The following CSNK1G1 variants were observed in gnomAD, a reference collection of about 807,000 sequenced individuals.
CSNK1G1 encodes casein kinase 1 gamma 1.
Under a neutral mutation model 59.6 loss-of-function variants are expected in CSNK1G1, and 22 were observed. The ratio of observed to expected loss-of-function variants is 0.37; its 90% CI spans 0.26 to 0.53. CSNK1G1 has a LOEUF of 0.53. Among genes scored for constraint, CSNK1G1 ranks in the 20% least tolerant of loss-of-function variants. The pLI, the probability that CSNK1G1 is intolerant of heterozygous loss-of-function variation, is 0.89. For missense variants in CSNK1G1, 384 were observed against 519.5 expected (o/e 0.74, Z 2.54); for synonymous variants, 179 against 177.1 (o/e 1.01, Z -0.08).
Position 64,214,194 on chromosome 15 carries a change from T to C in CSNK1G1, c.445-70A>G. ...AGGAAAATACATCAAAACAGTTTCT[T>C]TAGCCAGACCAAGGTTTTAATTATT... On this transcript the variant is annotated intron_variant, in intron 5 of 11. Coordinates refer to ENST00000303052, the MANE Select transcript of CSNK1G1 (RefSeq NM_022048.5). This position sits in a 1 kb window ranked among gnomAD's most constrained non-coding sequence, Gnocchi z 4.3. 2.7e-6 allele frequency: 3 copies of C among 1,122,544 alleles called. No individual in the cohort carries two copies. Among genetic ancestry groups the C allele is most frequent in the Non-Finnish European group, 4.0e-6 (3 of 742,184 alleles). The allele number at this position is 1,122,544 out of a possible 1,614,324, so 69.5% of individuals were successfully genotyped here. A position where few individuals can be genotyped will look rare whatever the true frequency, so the allele number is the denominator to read the frequency against.
At chr15:64,309,494 C>T (rs779450424) in intron 1 of CSNK1G1, among the ~76,000 whole-genome samples, 5 of 152,088 alleles carry the variant, frequency 3.3e-5, no homozygotes, top group Non-Finnish European at 7.4e-5. Context: ...GACTATAGTA[C>T]CTGTCACAAG....
At chr15:64,265,928 T>A (rs959401951) in intron 2 of CSNK1G1, 21 of 419,052 alleles carry the variant, frequency 5.0e-5, no homozygotes, top group South Asian at 1.4e-4. Flanking sequence ...CAAAAAAAAA[T>A]TTTTAATTAG....
At chr15:64,187,340 C>T (rs1011483994) in intron 10 of CSNK1G1, among the ~76,000 whole-genome samples, 8 of 151,472 alleles carry the variant, frequency 5.3e-5, no homozygotes, top group Admixed American at 3.3e-4. Flanking sequence ...TACAGGTATG[C>T]GCCACCGGGC....
intron 11 of CSNK1G1, 78 bp downstream of exon 11, chr15:64,180,270 G>T: frequency 9.6e-7 from 1 of 1,040,892 alleles, no homozygotes; most frequent in South Asian, 1.3e-5. Context: ...AGTCTGAGAC[G>T]AGCAGCACAC....
chr15:64,240,468 CA>C (rs952319825), intron 4 of CSNK1G1, among the ~76,000 whole-genome samples: 52 of 151,962 alleles, frequency 3.4e-4, no homozygotes, highest in African/African-American at 1.2e-3. Context: ...ATATTTAACC[CA>C]AAAAGGTCCA....
At chr15:64,175,607 C>T (rs2081732362) in intron 11 of CSNK1G1, among the ~76,000 whole-genome samples, 1 of 152,066 alleles carries the variant, frequency 6.6e-6, no homozygotes, top group Non-Finnish European at 1.5e-5. Flanking sequence ...AAGACAGGCT[C>T]CAATATATCA....
In CSNK1G1 at chr15:64,204,463, T is replaced by C. The variant is rs756756451; in HGVS notation, c.977A>G (p.Tyr326Cys). 5 of 1,593,560 alleles carry C rather than the reference T, an allele frequency of 3.1e-6. No homozygotes were observed. Among genetic ancestry groups the C allele is most frequent in the Non-Finnish European group, 3.4e-6 (4 of 1,171,548 alleles). The change falls in exon 9 of 12, where the codon TAT (tyrosine) becomes TGT (cysteine). Residue 326 changes from tyrosine to cysteine, a missense_variant. Tyr to Cys is a radical substitution (Grantham distance 194). This residue lies in a region of CSNK1G1 where 325 missense variants were observed against 440.9 expected (regional missense o/e 0.74). Coordinates refer to ENST00000303052, the MANE Select transcript of CSNK1G1 (RefSeq NM_022048.5). The stretch of plus-strand genomic sequence containing the variant: ...TACAATAGGTCTCCCAACCCAATCA[T>C]AGGCATAGTCAAAGGTGTAGCCTTT... ...EKKGYTFDYA[Y>C]DWVGRPIPTP...
At chr15:64,187,024 T>C (rs977229361) in intron 10 of CSNK1G1, among the ~76,000 whole-genome samples, 14 of 151,976 alleles carry the variant, frequency 9.2e-5, no homozygotes, top group African/African-American at 3.4e-4. Flanking sequence ...GGTTTCACCA[T>C]GTTGGCCAGG....
At position 64,173,462 on chromosome 15, in the gene CSNK1G1, T is replaced by C. The variant is rs75206458; in HGVS notation, c.1215-1477A>G. On this transcript the variant is annotated intron_variant, in intron 11 of 11. Transcript: ENST00000303052. ...GAGGTACTATTAATGGGTGCAAATA[T>C]AATCACTAAGCAAAGTGTCATATGT... is the stretch of plus-strand genomic sequence containing the variant. Among the ~76,000 whole-genome samples, 47 of 152,298 alleles carry C rather than the reference T, an allele frequency of 3.1e-4. 1 individual carries two copies. In the East Asian group the frequency reaches 6.4e-3, roughly 21 times the overall value.
At chr15:64,320,225 C>T (rs1437947414) in intron 1 of CSNK1G1, among the ~76,000 whole-genome samples, 1 of 151,714 alleles carries the variant, frequency 6.6e-6, no homozygotes, top group Non-Finnish European at 1.5e-5. Flanking sequence ...TCCACCGAAA[C>T]AGGCACACGT....
chr15:64,225,006 C>CTTTTTTTTT (rs750533422), intron 4 of CSNK1G1, among the ~76,000 whole-genome samples: 2 of 121,850 alleles, frequency 1.6e-5, no homozygotes, highest in Non-Finnish European at 1.7e-5. Flanking sequence ...ATACACTTTT[C>CTTTTTTTTT]TTTTTTTTTT....
Position 64,188,628 on chromosome 15 carries a change from A to C in CSNK1G1, c.1108-8174T>G, listed in dbSNP as rs1245550817. The C allele has an allele frequency of 1.6e-6, 1 of 641,796 alleles. No homozygotes were observed. The highest frequency in any genetic ancestry group is 1.8e-5 in the African/African-American group (1 of 54,808). 39.8% of individuals were successfully genotyped at this position (641,796 alleles called of 1,614,324 possible). A position where few individuals can be genotyped will look rare whatever the true frequency, so the allele number is the denominator to read the frequency against. The stretch of plus-strand genomic sequence containing the variant: ...TTTAAACTAACAACCACTGGAAAGC[A>C]GTGAGGAAAAGTAAGCTTGTCTACA... On this transcript the variant is annotated intron_variant, in intron 10 of 11. Coordinates refer to ENST00000303052, the MANE Select transcript of CSNK1G1 (RefSeq NM_022048.5). This position sits in a 1 kb window ranked among gnomAD's most constrained non-coding sequence, Gnocchi z 4.2.
chr15:64,262,706 G>A (rs2140335307), intron 2 of CSNK1G1, among the ~76,000 whole-genome samples: 1 of 152,282 alleles, frequency 6.6e-6, no homozygotes, highest in Non-Finnish European at 1.5e-5. Flanking sequence ...ATTTTCATTT[G>A]AAGATTTGGA....
At chr15:64,336,400 G>T (rs1897392128) in intron 1 of CSNK1G1, among the ~76,000 whole-genome samples, 1 of 152,118 alleles carries the variant, frequency 6.6e-6, no homozygotes, top group African/African-American at 2.4e-5. Flanking sequence ...ACTGAAGTCA[G>T]CATAAATGCT....
intron 4 of CSNK1G1, among the ~76,000 whole-genome samples, chr15:64,234,724 T>C (rs1220608289): frequency 2.6e-5 from 4 of 152,176 alleles, no homozygotes; most frequent in Admixed American, 2.6e-4. Context: ...CATTTCCTTG[T>C]TATATTGTCA....
chr15:64,186,303 G>C (rs1228676946), intron 10 of CSNK1G1, among the ~76,000 whole-genome samples: 1 of 152,010 alleles, frequency 6.6e-6, no homozygotes, highest in Non-Finnish European at 1.5e-5. Context: ...AGTAGAGATG[G>C]AGTTTCACCA....
At chr15:64,252,589 T>G (rs1161871373) in intron 3 of CSNK1G1, among the ~76,000 whole-genome samples, 3 of 152,212 alleles carry the variant, frequency 2.0e-5, no homozygotes, top group Non-Finnish European at 4.4e-5. Flanking sequence ...ACCCTCCCCA[T>G]AATTTTTGGA....
At chr15:64,191,362 C>T (rs1243682166) in intron 10 of CSNK1G1, among the ~76,000 whole-genome samples, 2 of 152,078 alleles carry the variant, frequency 1.3e-5, no homozygotes, top group East Asian at 3.9e-4. Flanking sequence ...ACCCAGCCTG[C>T]ATTTGTTTTT....
chr15:64,355,263 T>C (rs1190003470), intron 1 of CSNK1G1, among the ~76,000 whole-genome samples: 3 of 152,352 alleles, frequency 2.0e-5, no homozygotes, highest in East Asian at 1.9e-4. Context: ...AGGTAATTTA[T>C]ACCGGAATTA....
Sources: gnomAD v4.1 joint callset for allele counts (sites outside exome capture counted in the v4.1 genomes callset) on GRCh38, gnomAD v4.1.1 for gene constraint, gnomAD v4.1.1 regional missense constraint, Gnocchi (gnomAD v3.1) non-coding constraint, MANE v1.5 for transcripts, NCBI Gene and HGNC (gene_info 2026-07-23, HGNC 2026-07-21) for gene names.